Variants in DCHS2 observed in about 807,000 individuals in gnomAD.
DCHS2 encodes dachsous cadherin-related 2.
A neutral mutation model predicts 182.4 loss-of-function variants in DCHS2; 142 were observed. The observed-to-expected ratio is 0.78, with a 90% CI of 0.68 to 0.89. DCHS2 has a LOEUF of 0.89. Ranked by LOEUF, DCHS2 falls within the 40% of genes least tolerant of loss-of-function variation. DCHS2 has a pLI of 0.00. For missense variants in DCHS2, 4,319 were observed against 4,198.6 expected, an observed-to-expected ratio of 1.03 and a Z score of -0.79; for synonymous variants, 1,740 against 1,663.3, an observed-to-expected ratio of 1.05 and a Z score of -1.12.
intron 16 of DCHS2, among the ~76,000 whole-genome samples, chr4:154,247,198 C>T (rs1246126291): frequency 6.6e-6 from 1 of 152,146 alleles, no homozygotes; most frequent in Non-Finnish European, 1.5e-5. Flanking sequence ...GAATGGTGGC[C>T]AGGCGCAGTG....
rs976926885 is a variant in DCHS2, at chr4:154,323,017, A to T, written c.4019-529T>A. ...TATTTTTCTTGTTTACATTAAGATC[A>T]AAATAAAGTCCATATATTGCATATT... On this transcript the variant is annotated intron_variant, in intron 7 of 19. Transcript: ENST00000357232. 5.3e-6 allele frequency: 3 copies of T among 569,614 alleles called. No individual in the cohort carries two copies. The Admixed American group carries it at 1.0e-4, about 19-fold the overall frequency. 35.3% of individuals were successfully genotyped at this position (569,614 alleles called of 1,614,324 possible).
chr4:154,264,700 T>G (rs2111186672), intron 14 of DCHS2, among the ~76,000 whole-genome samples: 1 of 152,236 alleles, frequency 6.6e-6, no homozygotes, highest in African/African-American at 2.4e-5. Context: ...TTTAAAAGCA[T>G]GGATTAAATA....
intron 13 of DCHS2, among the ~76,000 whole-genome samples, chr4:154,294,771 GA>G (rs1459996791): frequency 2.0e-5 from 3 of 152,174 alleles, no homozygotes; most frequent in African/African-American, 7.2e-5. Context: ...AAATCAAAAG[GA>G]AATTGGTGAG....
intron 1 of DCHS2, among the ~76,000 whole-genome samples, chr4:154,407,177 G>A (rs1255433656): frequency 1.3e-5 from 2 of 152,160 alleles, no homozygotes; most frequent in Admixed American, 6.5e-5. Context: ...GGCATCTTTC[G>A]CTTGGGATTG....
rs144113083 is a variant in DCHS2 at position 154,346,195 on chromosome 4, G to T, written c.2477-11091C>A. ...GGTTTCAACATATGAATTTTGGAGG[G>T]GCACAAACATGTAGTCCATAGCAGA... On this transcript the variant is annotated intron_variant, in intron 3 of 19. Transcript: ENST00000357232. 5.8e-3 allele frequency among the ~76,000 whole-genome samples: 884 copies of T among 152,230 alleles called. 9 individuals carry two copies. Among genetic ancestry groups the T allele is most frequent in the African/African-American group, 0.021 (857 of 41,528 alleles).
intron 14 of DCHS2, among the ~76,000 whole-genome samples, chr4:154,267,986 C>T (rs1267718119): frequency 5.3e-5 from 8 of 152,184 alleles, no homozygotes; most frequent in Non-Finnish European, 7.3e-5. Flanking sequence ...AAATTGAACA[C>T]GTTTTTCTAT....
chr4:154,234,426 A>C lies in DCHS2; in HGVS notation c.*110T>G. 2 of 1,388,150 alleles carry C rather than the reference A, an allele frequency of 1.4e-6. No individual in the cohort carries two copies. Among genetic ancestry groups the C allele is most frequent in the Non-Finnish European group, 9.5e-7 (1 of 1,053,416 alleles). 86.0% of individuals were successfully genotyped at this position (1,388,150 alleles called of 1,614,324 possible). ...GTTTTAAAAACTCTAACTAAATTAC[A>C]TCACTTGCTTTTAGATAAAAATGAG... On this transcript the variant is annotated 3_prime_UTR_variant, in exon 20 of 20. Transcript: ENST00000357232.
Position 154,333,258 on chromosome 4 carries a change from C to T in DCHS2, c.2950G>A (p.Asp984Asn). ...GTGGTCTGGGATATTCTAATCTCAT[C>T]CGAGGTCCTGAGGAACGCTGGGTGG... ...DNHPAFLRTS[D>N]EIRISQTTPP... is the part of the protein sequence containing the mutation. The change falls in exon 5 of 20, where the codon GAT (aspartate) becomes AAT (asparagine). Residue 984 changes from aspartate to asparagine, a missense_variant. Transcript: ENST00000357232. 6.2e-7 allele frequency: 1 copy of T among 1,614,220 alleles called. No homozygotes were observed. Among genetic ancestry groups the T allele is most frequent in the Non-Finnish European group, 8.5e-7 (1 of 1,180,038 alleles).
At position 154,232,485 on chromosome 4, in the gene DCHS2, TAATA is replaced by T. The variant is rs1387708407; in HGVS notation, c.*2047_*2050del. 4.6e-5 allele frequency: 7 copies of T among 152,062 alleles called. No individual in the cohort carries two copies. The highest frequency in any genetic ancestry group is 9.7e-5 in the African/African-American group (4 of 41,446). 9.4% of individuals were successfully genotyped at this position (152,062 alleles called of 1,614,324 possible). ...TCCATAATGAGTAAATAAATCACAG[TAATA>T]AATAACTAACTTAGGGAATAGGTAG... On this transcript the variant is annotated 3_prime_UTR_variant, in exon 20 of 20. Coordinates refer to ENST00000357232, the MANE Select transcript of DCHS2 (RefSeq NM_001358235.2).
chr4:154,304,924 T>C, intron 11 of DCHS2, 46 bp from the exon 12 acceptor site: 4 of 1,551,774 alleles, frequency 2.6e-6, no homozygotes, highest in African/African-American at 1.4e-5. Context: ...CTTTGATTCA[T>C]ACCTAAAATA....
chr4:154,293,559 C>T (rs545110902), intron 13 of DCHS2, among the ~76,000 whole-genome samples: 1 of 152,264 alleles, frequency 6.6e-6, no homozygotes, highest in African/African-American at 2.4e-5. Context: ...TAAACAACCC[C>T]CAGGCCTCAT....
intron 3 of DCHS2, among the ~76,000 whole-genome samples, chr4:154,353,305 C>A (rs955541220): frequency 4.0e-5 from 6 of 151,480 alleles, no homozygotes; most frequent in Non-Finnish European, 7.4e-5. Context: ...TAAAAAAAAA[C>A]ACACAAAAAA....
chr4:154,446,559 C>T (rs766878685), intron 1 of DCHS2, among the ~76,000 whole-genome samples: 1 of 152,084 alleles, frequency 6.6e-6, no homozygotes, highest in Non-Finnish European at 1.5e-5. Flanking sequence ...CTGCATTTTA[C>T]AGATGAGGAA....
intron 1 of DCHS2, among the ~76,000 whole-genome samples, chr4:154,423,042 A>G (rs1380757067): frequency 6.6e-6 from 1 of 152,260 alleles, no homozygotes; most frequent in African/African-American, 2.4e-5. Flanking sequence ...TAACTCACAT[A>G]CCATAAAATA....
At chr4:154,345,597 C>G (rs1249513341) in intron 3 of DCHS2, among the ~76,000 whole-genome samples, 2 of 152,170 alleles carry the variant, frequency 1.3e-5, no homozygotes, top group Admixed American at 6.5e-5. Flanking sequence ...TATTCTCTGC[C>G]TAACTCCCCT....
chr4:154,267,769 A>T (rs1195566209), intron 14 of DCHS2, among the ~76,000 whole-genome samples: 3 of 152,164 alleles, frequency 2.0e-5, no homozygotes, highest in Non-Finnish European at 1.5e-5. Flanking sequence ...CTCCTTATTC[A>T]ACATCTTCAG....
At chr4:154,311,757 A>G (rs1343025590) in intron 10 of DCHS2, among the ~76,000 whole-genome samples, 1 of 152,118 alleles carries the variant, frequency 6.6e-6, no homozygotes, top group Non-Finnish European at 1.5e-5. Flanking sequence ...ATCTTGCACT[A>G]CTCTAAGAAC....
At position 154,234,562 on chromosome 4, in the gene DCHS2, T is replaced by G. The variant is rs201311804; in HGVS notation, c.10090A>C (p.Lys3364Gln). ...THISGTCHEL[K>Q]AEDEVQI ...CATATTTGAACTTCATCTTCTGCTT[T>G]AAGTTCATGGCATGTACCACTGATG... Residue 3364 changes from lysine to glutamine, a missense_variant, in exon 20 of 20, where the codon AAA (lysine) becomes CAA (glutamine). Transcript: ENST00000357232. 6.2e-7 allele frequency: 1 copy of G among 1,612,498 alleles called. No individual in the cohort carries two copies. The highest frequency in any genetic ancestry group is 8.5e-7 in the Non-Finnish European group (1 of 1,179,140).
At chr4:154,307,416 T>C (rs747784993) in intron 10 of DCHS2, among the ~76,000 whole-genome samples, 9 of 137,016 alleles carry the variant, frequency 6.6e-5, no homozygotes, top group Non-Finnish European at 1.3e-4. Flanking sequence ...CCAGTGTGAA[T>C]ACACACATAC....
Sources: gnomAD v4.1 joint callset for allele counts (sites outside exome capture counted in the v4.1 genomes callset) on GRCh38, gnomAD v4.1.1 for gene constraint, MANE v1.5 for transcripts, NCBI Gene and HGNC (gene_info 2026-07-23, HGNC 2026-07-21) for gene names.